RUVBL1: variants seen among roughly 807,000 people sequenced by gnomAD.
RUVBL1 encodes the protein ruvB-like 1.
In RUVBL1, 4 loss-of-function variants were observed where a neutral mutation model predicts 52.4. The observed-to-expected ratio is 0.08, with a 90% confidence interval of 0.04 to 0.17. The LOEUF (loss-of-function observed/expected upper bound fraction) is 0.17. Ranked by LOEUF, RUVBL1 falls within the 10% of genes least tolerant of loss-of-function variation. The pLI, the probability that RUVBL1 is intolerant of heterozygous loss-of-function variation, is 1.00. For synonymous variants in RUVBL1, 217 were observed against 214.4 expected (o/e 1.01, Z -0.10); for missense variants, 298 against 572.8 (o/e 0.52, Z 4.90).
At chr3:128,102,339 G>A (rs760524440) in intron 4 of RUVBL1, among the ~76,000 whole-genome samples, 3 of 152,252 alleles carry the variant, frequency 2.0e-5, no homozygotes, top group Non-Finnish European at 4.4e-5. Context: ...GGGTCTGCCT[G>A]CTTATATCTC....
chr3:128,114,940 T>A (rs1255587429), intron 2 of RUVBL1, among the ~76,000 whole-genome samples: 2 of 151,828 alleles, frequency 1.3e-5, no homozygotes, highest in Non-Finnish European at 2.9e-5. Flanking sequence ...TCAATGGCAC[T>A]CTCCCTCCCT....
upstream of RUVBL1, chr3:128,123,903 C>T: frequency 8.0e-7 from 1 of 1,253,030 alleles, no homozygotes; most frequent in Non-Finnish European, 1.0e-6. Context: ...CTGCGCCCAT[C>T]GCGGCTGCTG....
At chr3:128,086,364 A>G (rs1295412064) in intron 9 of RUVBL1, among the ~76,000 whole-genome samples, 1 of 152,232 alleles carries the variant, frequency 6.6e-6, no homozygotes, top group African/African-American at 2.4e-5. Context: ...TGGGGATCAA[A>G]TGGAATCAAA....
chr3:128,086,947 C>A (rs1942660874), intron 9 of RUVBL1, among the ~76,000 whole-genome samples: 2 of 152,244 alleles, frequency 1.3e-5, no homozygotes, highest in African/African-American at 2.4e-5. Context: ...GGTGTGCCAG[C>A]CACTGAGCTA....
intron 6 of RUVBL1, 82 bp from the exon 7 acceptor site, chr3:128,099,027 C>T (rs1943055436): frequency 2.6e-6 from 3 of 1,174,584 alleles, no homozygotes; most frequent in Non-Finnish European, 3.8e-6. Flanking sequence ...CACTCATCAA[C>T]TCAACATGGG....
chr3:128,093,894 G>A (rs1259406426), intron 8 of RUVBL1, among the ~76,000 whole-genome samples: 1 of 152,198 alleles, frequency 6.6e-6, no homozygotes, highest in Non-Finnish European at 1.5e-5. Context: ...GCTGTCCACA[G>A]GGAGAGGTGA....
At chr3:128,101,701 AC>A (rs1258981973) in intron 4 of RUVBL1, 53 bp from the exon 5 acceptor site, 2 of 1,568,348 alleles carry the variant, frequency 1.3e-6, no homozygotes, top group African/African-American at 2.7e-5. Context: ...TTTCCTTCTG[AC>A]ACCATGTAAG....
chr3:128,082,681 A>G lies in RUVBL1; in HGVS notation c.1120-107T>C. 1 of 911,480 alleles carries G rather than the reference A, an allele frequency of 1.1e-6. No individual in the cohort carries two copies. Among genetic ancestry groups the G allele is most frequent in the Non-Finnish European group, 1.6e-6 (1 of 607,706 alleles). The allele number at this position is 911,480 out of a possible 1,614,324, so 56.5% of individuals were successfully genotyped here. ...CAGATTTCTCACTGTGCAGCATAAG[A>G]GAAACTGAGACCTGGGTTGGTGGGC... On this transcript the variant is annotated intron_variant, in intron 9 of 10. Coordinates refer to ENST00000322623, the MANE Select transcript of RUVBL1 (RefSeq NM_003707.3). This position sits in a 1 kb window ranked among gnomAD's most constrained non-coding sequence, Gnocchi z 4.7.
chr3:128,130,727 T>G (rs1943865717), intron 1 of RUVBL1, among the ~76,000 whole-genome samples: 1 of 151,836 alleles, frequency 6.6e-6, no homozygotes, highest in Non-Finnish European at 1.5e-5. Flanking sequence ...CTCGGCTCAC[T>G]GCAAACTCCA....
chr3:128,123,646 C>T lies in RUVBL1; in HGVS notation c.79G>A (p.Asp27Asn). Residue 27 changes from aspartate to asparagine, a missense_variant, in exon 1 of 11, where the codon GAC (aspartate) becomes AAC (asparagine). Asp to Asn is a conservative substitution (Grantham distance 23). Around this residue, in one of 5 missense-constraint regions of RUVBL1, gnomAD observed 71 missense variants for 125.7 expected, o/e 0.57. Coordinates refer to ENST00000322623, the MANE Select transcript of RUVBL1 (RefSeq NM_003707.3). ...GCCTGCTTGGCCAAGCCGCTCTCGT[C>T]CAGCCCCAGCCCTTTCACGTGGCTG... ...SHSHVKGLGL[D>N]ESGLAKQAAS... 6.2e-7 allele frequency: 1 copy of T among 1,612,300 alleles called. No individual in the cohort carries two copies.
At chr3:128,083,977 C>T (rs752615440) in intron 9 of RUVBL1, 1 of 152,294 alleles carries the variant, frequency 6.6e-6, no homozygotes, top group Non-Finnish European at 1.5e-5. Flanking sequence ...ACTCAGGAGG[C>T]TGAGGCAGGA....
intron 4 of RUVBL1, among the ~76,000 whole-genome samples, chr3:128,103,381 G>C (rs1297154053): frequency 6.6e-6 from 1 of 152,096 alleles, no homozygotes; most frequent in Non-Finnish European, 1.5e-5. Flanking sequence ...AGTGACGAGG[G>C]GTAGGTATAA....
chr3:128,073,145 C>T (rs1046940371), intron 9 of RUVBL1, among the ~76,000 whole-genome samples: 1 of 152,200 alleles, frequency 6.6e-6, no homozygotes, highest in Non-Finnish European at 1.5e-5. Flanking sequence ...CCCTGTCTGG[C>T]TGCTGGTCCT....
At chr3:128,110,286 T>TA (rs1319074856) in intron 3 of RUVBL1, among the ~76,000 whole-genome samples, 4 of 151,800 alleles carry the variant, frequency 2.6e-5, no homozygotes, top group Non-Finnish European at 4.4e-5. Flanking sequence ...ACCCTGTCTC[T>TA]AAAAAAAATT....
At chr3:128,065,732 A>ATT (rs758640768) in intron 9 of RUVBL1, among the ~76,000 whole-genome samples, 10,131 of 97,310 alleles carry the variant, frequency 0.1, 2,295 homozygotes, top group African/African-American at 0.39. Flanking sequence ...ATCATTAAGA[A>ATT]TTTTTTTTTT....
chr3:128,123,066 T>C (rs1943689809), intron 1 of RUVBL1, among the ~76,000 whole-genome samples: 1 of 152,204 alleles, frequency 6.6e-6, no homozygotes, highest in South Asian at 2.1e-4. Context: ...AAATGAGCTT[T>C]TAAAGTTTAG....
intron 1 of RUVBL1, among the ~76,000 whole-genome samples, chr3:128,143,539 G>A (rs553884271): frequency 1.1e-4 from 16 of 152,258 alleles, no homozygotes; most frequent in African/African-American, 3.4e-4. Flanking sequence ...CACTGGCTCC[G>A]GGATGTGAAC....
At chr3:128,070,092 A>T (rs997346686) in intron 9 of RUVBL1, 1 of 157,296 alleles carries the variant, frequency 6.4e-6, no homozygotes, top group Admixed American at 6.3e-5. Flanking sequence ...CTGGGAGCAG[A>T]TCATGTATTT....
intron 1 of RUVBL1, among the ~76,000 whole-genome samples, chr3:128,151,214 A>T (rs1302314753): frequency 7.4e-6 from 1 of 134,324 alleles, no homozygotes; most frequent in African/African-American, 2.8e-5. Context: ...CTATATATAC[A>T]CTGTATATAT....
Sources: gnomAD v4.1 joint callset for allele counts (sites outside exome capture counted in the v4.1 genomes callset) on GRCh38, gnomAD v4.1.1 for gene constraint, gnomAD v4.1.1 regional missense constraint, Gnocchi (gnomAD v3.1) non-coding constraint, MANE v1.5 for transcripts, NCBI Gene and HGNC (gene_info 2026-07-23, HGNC 2026-07-21) for gene names.